Variants in SLIT2 observed in about 807,000 individuals in gnomAD.
The protein encoded by SLIT2 is slit guidance ligand 2.
A neutral mutation model predicts 185.7 loss-of-function variants in SLIT2; 41 were observed. The ratio of observed to expected loss-of-function variants is 0.22; its 90% CI spans 0.17 to 0.29. SLIT2 has a LOEUF of 0.29. Ranked by LOEUF, SLIT2 falls within the 10% of genes least tolerant of loss-of-function variation. SLIT2 has a pLI of 1.00. For synonymous variants in SLIT2, 693 were observed against 680.2 expected, an observed-to-expected ratio of 1.02 and a Z score of -0.29; for missense variants, 1,571 against 1,909.0, an observed-to-expected ratio of 0.82 and a Z score of 3.30.
chr4:20,567,441 G>A, intron 27 of SLIT2, 55 bp downstream of exon 27: 1 of 1,611,378 alleles, frequency 6.2e-7, no homozygotes, highest in Non-Finnish European at 8.5e-7. Context: ...TTCTTGGTGT[G>A]CCTTTATTAT....
chr4:20,383,107 A>G (rs1209595589), intron 4 of SLIT2, among the ~76,000 whole-genome samples: 2 of 152,224 alleles, frequency 1.3e-5, no homozygotes, highest in East Asian at 3.9e-4. Context: ...TGGAAAATAA[A>G]CCTTGATTCT....
chr4:20,265,300 C>A (rs976020127), intron 3 of SLIT2, among the ~76,000 whole-genome samples: 1 of 151,896 alleles, frequency 6.6e-6, no homozygotes, highest in Admixed American at 6.6e-5. Context: ...GGTGATTGCA[C>A]AGGCGGCTAT....
chr4:20,271,726 T>C (rs1277268802), intron 4 of SLIT2, among the ~76,000 whole-genome samples: 1 of 151,986 alleles, frequency 6.6e-6, no homozygotes, highest in Non-Finnish European at 1.5e-5. Flanking sequence ...GTTTAATACA[T>C]AGTTTATACA....
Position 20,553,972 on chromosome 4 carries a change from T to C in SLIT2, c.2725+4T>C. 1.3e-6 allele frequency: 2 copies of C among 1,574,898 alleles called. No homozygotes were observed. The highest frequency in any genetic ancestry group is 2.2e-5 in the East Asian group (1 of 44,706). On this transcript the variant is annotated splice_donor_region_variant and intron_variant, in intron 26 of 36. Coordinates refer to ENST00000504154, the MANE Select transcript of SLIT2 (RefSeq NM_004787.4). ...TCCAAAAAATTTACCTGTCAAGGTA[T>C]GGTTTTTAATCATTTGTATTTCTTT...
At chr4:20,610,756 T>A (rs991218749) in intron 34 of SLIT2, among the ~76,000 whole-genome samples, 6 of 152,120 alleles carry the variant, frequency 3.9e-5, no homozygotes, top group Non-Finnish European at 5.9e-5. Context: ...AGAATAACAA[T>A]AAATAGTTCT....
At chr4:20,423,925 CTT>C (rs1427782277) in intron 4 of SLIT2, among the ~76,000 whole-genome samples, 1 of 152,036 alleles carries the variant, frequency 6.6e-6, no homozygotes, top group Admixed American at 6.6e-5. Flanking sequence ...ATGTGATCAA[CTT>C]GATATACGAA....
intron 5 of SLIT2, among the ~76,000 whole-genome samples, chr4:20,478,151 C>A (rs1292651911): frequency 6.6e-6 from 1 of 152,124 alleles, no homozygotes; most frequent in Non-Finnish European, 1.5e-5. Flanking sequence ...TTTATGTAAA[C>A]CTTCCTTTGA....
chr4:20,409,230 G>A (rs946152620), intron 4 of SLIT2, among the ~76,000 whole-genome samples: 2 of 151,934 alleles, frequency 1.3e-5, no homozygotes, highest in South Asian at 2.1e-4. Context: ...CTCACTTCTC[G>A]CCCTACAACA....
chr4:20,430,095 C>T (rs1182148141), intron 4 of SLIT2, among the ~76,000 whole-genome samples: 2 of 152,034 alleles, frequency 1.3e-5, no homozygotes, highest in East Asian at 3.8e-4. Flanking sequence ...AAAACACAGA[C>T]TAAGCAGTCC....
At position 20,619,228 on chromosome 4, in the gene SLIT2, G is replaced by C. The variant is rs578187754; in HGVS notation, c.*219G>C. 2.1e-5 allele frequency: 10 copies of C among 469,866 alleles called. No individual in the cohort carries two copies. The highest frequency in any genetic ancestry group is 2.0e-4 in the African/African-American group (10 of 50,788). 29.1% of individuals were successfully genotyped at this position (469,866 alleles called of 1,614,324 possible). A position where few individuals can be genotyped will look rare whatever the true frequency, so the allele number is the denominator to read the frequency against. ...CCTATGCTGGAGAAGTATGAAGAAA[G>C]ATATACCTGGAGACATTAGAACAGC... On this transcript the variant is annotated 3_prime_UTR_variant, in exon 37 of 37. Coordinates refer to ENST00000504154, the MANE Select transcript of SLIT2 (RefSeq NM_004787.4).
At chr4:20,435,427 C>G (rs1433583594) in intron 4 of SLIT2, among the ~76,000 whole-genome samples, 1 of 152,096 alleles carries the variant, frequency 6.6e-6, no homozygotes, top group East Asian at 1.9e-4. Context: ...ATGAGTATGG[C>G]TAAGAGAATA....
chr4:20,350,642 G>A (rs1721796551), intron 4 of SLIT2, among the ~76,000 whole-genome samples: 1 of 152,056 alleles, frequency 6.6e-6, no homozygotes, highest in South Asian at 2.1e-4. Context: ...TAAAAATATG[G>A]AAGCTAGTAA....
In SLIT2 at chr4:20,484,957, T is replaced by G. The variant is rs1437450484; in HGVS notation, c.540-1243T>G. 6.6e-6 allele frequency among the ~76,000 whole-genome samples: 1 copy of G among 152,134 alleles called. No individual in the cohort carries two copies. Among genetic ancestry groups the G allele is most frequent in the Non-Finnish European group, 1.5e-5 (1 of 67,998 alleles). On this transcript the variant is annotated intron_variant, in intron 6 of 36. Transcript: ENST00000504154. The surrounding 1 kb of genome is among the most constrained non-coding windows in gnomAD (Gnocchi z 4.3). ...TTTTGCACGTGGCCTGCTTCGCTCA[T>G]TTCTGTTCTCTGCTCAGGCCCTGCA...
intron 9 of SLIT2, among the ~76,000 whole-genome samples, chr4:20,496,878 A>G (rs1718273129): frequency 6.6e-6 from 1 of 152,192 alleles, no homozygotes; most frequent in Non-Finnish European, 1.5e-5. Flanking sequence ...AAATAGAACC[A>G]GAGGAACAGC....
rs1384234213 is a variant in SLIT2 at position 20,549,135 on chromosome 4, A to C, written c.2489+7A>C. On this transcript the variant is annotated splice_region_variant and intron_variant, in intron 24 of 36. Coordinates refer to ENST00000504154, the MANE Select transcript of SLIT2 (RefSeq NM_004787.4). ...TAAAGTCTCTTCGATTACTGTAAGC[A>C]TCTTGTGTTCAACAGAATATCTCTT... 1 of 1,537,328 alleles carries C rather than the reference A, an allele frequency of 6.5e-7. No individual in the cohort carries two copies. The highest frequency in any genetic ancestry group is 9.0e-7 in the Non-Finnish European group (1 of 1,111,904).
At chr4:20,406,062 G>A (rs1226540929) in intron 4 of SLIT2, among the ~76,000 whole-genome samples, 1 of 142,952 alleles carries the variant, frequency 7.0e-6, no homozygotes, top group Admixed American at 7.2e-5. Flanking sequence ...CTGCCTTAAG[G>A]AAATTATTAT....
intron 32 of SLIT2, 58 bp downstream of exon 32, chr4:20,596,713 T>A: frequency 6.5e-7 from 1 of 1,530,830 alleles, no homozygotes; most frequent in East Asian, 2.3e-5. Context: ...CTTCAGAGAA[T>A]AAACATTTGT....
chr4:20,508,299 C>T lies in SLIT2; in HGVS notation c.915-2196C>T, dbSNP rs1356072722. On this transcript the variant is annotated intron_variant, in intron 9 of 36. Coordinates refer to ENST00000504154, the MANE Select transcript of SLIT2 (RefSeq NM_004787.4). ...TAGGAAAAGGCACAACTTATTATAC[C>T]TAAGAAAATAAGGAAAGGATTTAAA... 2.6e-5 allele frequency among the ~76,000 whole-genome samples: 4 copies of T among 151,750 alleles called. No homozygotes were observed. In the East Asian group the frequency reaches 7.7e-4, roughly 29 times the overall value.
Position 20,596,630 on chromosome 4 carries a change from G to A in SLIT2, c.3536G>A (p.Arg1179Gln), listed in dbSNP as rs771378965. 67 of 1,613,294 alleles carry A rather than the reference G, an allele frequency of 4.2e-5. No individual in the cohort carries two copies. The highest frequency in any genetic ancestry group is 1.3e-4 in the East Asian group (6 of 44,848). Residue 1179 changes from arginine to glutamine, a missense_variant, in exon 32 of 37, where the codon CGG becomes CAG. Physicochemically the swap from Arg to Gln is conservative, Grantham distance 43 (BLOSUM62 1). Coordinates refer to ENST00000504154, the MANE Select transcript of SLIT2 (RefSeq NM_004787.4). ...CTTCAGATTCCTTCAGCCAAGGTTCGGCCTCAGACGAACATAACACTTCAG... is the reference window on the plus strand; with the variant it reads ...CTTCAGATTCCTTCAGCCAAGGTTCAGCCTCAGACGAACATAACACTTCAG... The part of the protein sequence containing the change: ...SYLQIPSAKV[R>Q]PQTNITLQIA...
Sources: allele counts gnomAD v4.1 joint callset (sites outside exome capture counted in the v4.1 genomes callset), GRCh38; gene constraint gnomAD v4.1.1; non-coding constraint Gnocchi (gnomAD v3.1); transcripts MANE v1.5; gene names NCBI Gene and HGNC (gene_info 2026-07-23, HGNC 2026-07-21).